Variants in GLIS1 observed in about 807,000 individuals in gnomAD.
GLIS1 encodes zinc finger protein GLIS1.
Under a neutral mutation model 63.8 loss-of-function variants are expected in GLIS1, and 24 were observed. The ratio of observed to expected loss-of-function variants is 0.38; its 90% CI spans 0.27 to 0.53. The LOEUF (loss-of-function observed/expected upper bound fraction) is 0.53. Among genes scored for constraint, GLIS1 ranks in the 20% least tolerant of loss-of-function variants. GLIS1 has a pLI of 0.85. For missense variants in GLIS1, 1,036 were observed against 1,074.1 expected, an observed-to-expected ratio of 0.96 and a Z score of 0.50; for synonymous variants, 450 against 482.5, an observed-to-expected ratio of 0.93 and a Z score of 0.88.
At chr1:53,723,214 G>C (rs1172817585) in intron 2 of GLIS1, among the ~76,000 whole-genome samples, 1 of 150,050 alleles carries the variant, frequency 6.7e-6, no homozygotes, top group Non-Finnish European at 1.5e-5. Flanking sequence ...TATGTTCAAT[G>C]TTAAGCTTAT....
chr1:53,645,578 G>A (rs1168990452), intron 2 of GLIS1, among the ~76,000 whole-genome samples: 1 of 152,196 alleles, frequency 6.6e-6, no homozygotes, highest in Non-Finnish European at 1.5e-5. Context: ...GATGGCCGAG[G>A]GGATGGCCTG....
chr1:53,603,746 G>T (rs1425227503), intron 2 of GLIS1, among the ~76,000 whole-genome samples: 1 of 152,252 alleles, frequency 6.6e-6, no homozygotes, highest in Non-Finnish European at 1.5e-5. Flanking sequence ...GCCACAGGGG[G>T]CCAAGAGCCA....
At chr1:53,516,995 A>G (rs1644359494) in intron 7 of GLIS1, among the ~76,000 whole-genome samples, 1 of 152,128 alleles carries the variant, frequency 6.6e-6, no homozygotes, top group Admixed American at 6.5e-5. Context: ...ACTATGTGCC[A>G]CACTGTCTTT....
In GLIS1 at chr1:53,694,956, G is replaced by A. The variant is rs79558375; in HGVS notation, c.259+42850C>T. Among the ~76,000 whole-genome samples, 1,155 of 152,208 alleles carry A rather than the reference G, an allele frequency of 7.6e-3. 16 individuals are homozygous for A. Among genetic ancestry groups the A allele is most frequent in the African/African-American group, 0.025 (1,041 of 41,506 alleles). On this transcript the variant is annotated intron_variant, in intron 2 of 10. Transcript: ENST00000628545. ...GTGAGACCCCAATCTCTAAATATAC[G>A]TAAATATATATACTGGCTCACTACC...
At chr1:53,565,735 G>A (rs1394219011) in intron 4 of GLIS1, among the ~76,000 whole-genome samples, 1 of 151,704 alleles carries the variant, frequency 6.6e-6, no homozygotes, top group Non-Finnish European at 1.5e-5. Context: ...TTTCCACAAA[G>A]ATAGTTTTAT....
chr1:53,713,926 C>T (rs1215638899), intron 2 of GLIS1, among the ~76,000 whole-genome samples: 1 of 152,242 alleles, frequency 6.6e-6, no homozygotes, highest in South Asian at 2.1e-4. Context: ...CAGACTGCCA[C>T]AGAAGGACAC....
chr1:53,533,012 G>A (rs1002148248), intron 4 of GLIS1, among the ~76,000 whole-genome samples: 1 of 152,274 alleles, frequency 6.6e-6, no homozygotes, highest in Non-Finnish European at 1.5e-5. Flanking sequence ...GACGCTCCAC[G>A]CGTGATCTGC....
chr1:53,716,420 G>T (rs1570096775), intron 2 of GLIS1, among the ~76,000 whole-genome samples: 1 of 152,120 alleles, frequency 6.6e-6, no homozygotes, highest in South Asian at 2.1e-4. Flanking sequence ...TGACATCCTC[G>T]TATGGCCAGA....
At chr1:53,548,371 T>C (rs1644725720) in intron 4 of GLIS1, among the ~76,000 whole-genome samples, 1 of 152,008 alleles carries the variant, frequency 6.6e-6, no homozygotes, top group Non-Finnish European at 1.5e-5. Flanking sequence ...TATTCCCGTG[T>C]CCACCATGGA....
At position 53,560,990 on chromosome 1, in the gene GLIS1, G is replaced by A. The variant is rs1036952323; in HGVS notation, c.1321-31038C>T. 3.3e-5 allele frequency among the ~76,000 whole-genome samples: 5 copies of A among 152,170 alleles called. No individual in the cohort carries two copies. The highest frequency in any genetic ancestry group is 5.9e-5 in the Non-Finnish European group (4 of 68,036). On this transcript the variant is annotated intron_variant, in intron 4 of 10. Coordinates refer to ENST00000628545, the MANE Select transcript of GLIS1 (RefSeq NM_001367484.1). This position sits in a 1 kb window ranked among gnomAD's most constrained non-coding sequence, Gnocchi z 4.4. ...GCTCCCTTCAGGATCTCCAATGTGCGCTCCGGGACCAAGCCCCTACTGTGT... is the reference window on the plus strand; with the variant it reads ...GCTCCCTTCAGGATCTCCAATGTGCACTCCGGGACCAAGCCCCTACTGTGT...
At chr1:53,559,194 G>A (rs974552843) in intron 4 of GLIS1, among the ~76,000 whole-genome samples, 1 of 152,140 alleles carries the variant, frequency 6.6e-6, no homozygotes, top group African/African-American at 2.4e-5. Flanking sequence ...ACCCTGTTTT[G>A]GGGACTTTGG....
intron 2 of GLIS1, among the ~76,000 whole-genome samples, chr1:53,682,570 T>C (rs17109101): frequency 0.087 from 13,292 of 152,318 alleles, 1,078 homozygotes; most frequent in African/African-American, 0.22. Context: ...TTGGCAGCAC[T>C]TCGCTTATTA....
intron 5 of GLIS1, among the ~76,000 whole-genome samples, chr1:53,527,555 C>A (rs904985086): frequency 6.6e-6 from 1 of 152,218 alleles, no homozygotes; most frequent in Non-Finnish European, 1.5e-5. Flanking sequence ...CGGTCAGAAC[C>A]CTGGCCTGGT....
chr1:53,531,574 A>G (rs1241975675), intron 4 of GLIS1, among the ~76,000 whole-genome samples: 1 of 152,236 alleles, frequency 6.6e-6, no homozygotes, highest in African/African-American at 2.4e-5. Context: ...GACTGGCTCC[A>G]GTCTGCGGTG....
chr1:53,632,538 G>T (rs530328095), intron 2 of GLIS1, among the ~76,000 whole-genome samples: 2 of 146,752 alleles, frequency 1.4e-5, no homozygotes, highest in Non-Finnish European at 3.0e-5. Context: ...GCATGTGAAT[G>T]TGACTGAGGG....
At chr1:53,677,845 A>G (rs540068674) in intron 2 of GLIS1, among the ~76,000 whole-genome samples, 1 of 152,322 alleles carries the variant, frequency 6.6e-6, no homozygotes, top group South Asian at 2.1e-4. Context: ...AGGGAGGAGC[A>G]CAGTCTCTGG....
At chr1:53,579,694 G>A (rs116766143) in intron 4 of GLIS1, among the ~76,000 whole-genome samples, 1,951 of 152,340 alleles carry the variant, frequency 0.013, 32 homozygotes, top group African/African-American at 0.041. Flanking sequence ...TGTGCTTGCC[G>A]CGGGGGCAGC....
chr1:53,726,280 G>A (rs781238418), intron 2 of GLIS1, among the ~76,000 whole-genome samples: 13 of 152,214 alleles, frequency 8.5e-5, no homozygotes, highest in South Asian at 4.2e-4. Context: ...CTAGAACTCC[G>A]GGCACATCAT....
chr1:53,622,713 G>A (rs993839912), intron 2 of GLIS1, among the ~76,000 whole-genome samples: 2 of 152,116 alleles, frequency 1.3e-5, no homozygotes, highest in African/African-American at 4.8e-5. Context: ...AATGCCAACA[G>A]CCACCAGAGG....
Sources: allele counts gnomAD v4.1 joint callset (sites outside exome capture counted in the v4.1 genomes callset), GRCh38; gene constraint gnomAD v4.1.1; non-coding constraint Gnocchi (gnomAD v3.1); transcripts MANE v1.5; gene names NCBI Gene and HGNC (gene_info 2026-07-23, HGNC 2026-07-21).